Variants in POLR2L observed in about 807,000 individuals in gnomAD.
The protein encoded by POLR2L is RNA polymerase II, I and III subunit L, also known as DNA-directed RNA polymerases I, II, and III subunit RPABC5.
Under a neutral mutation model 6.8 loss-of-function variants are expected in POLR2L, and 7 were observed. That is an observed-to-expected ratio of 1.03 (90% CI 0.59 to 1.94). The LOEUF (loss-of-function observed/expected upper bound fraction) is 1.94, where lower values mean the gene tolerates loss of function less well. Among genes scored for constraint, POLR2L ranks in the 30% most tolerant of loss-of-function variants. The pLI, the probability that POLR2L is intolerant of heterozygous loss-of-function variation, is 0.00. For synonymous variants in POLR2L, 59 were observed against 39.8 expected (o/e 1.48, Z -1.82); for missense variants, 93 against 86.7 (o/e 1.07, Z -0.29).
At chr11:840,545 C>T (rs1846936724) in intron 1 of POLR2L, 65 bp from the exon 2 acceptor site, 2 of 1,150,188 alleles carry the variant, frequency 1.7e-6, no homozygotes, top group South Asian at 1.2e-5. Context: ...CTGGAGCCCA[C>T]ATCCAACCTG....
Position 840,315 on chromosome 11 carries a change from G to C in POLR2L, c.*57C>G. The C allele has an allele frequency of 6.2e-6, 7 of 1,130,496 alleles. No homozygotes were observed. The highest frequency in any genetic ancestry group is 9.1e-6 in the Non-Finnish European group (7 of 766,942). The allele number at this position is 1,130,496 out of a possible 1,614,324, so 70.0% of individuals were successfully genotyped here. ...CCGGATGCCTCAGCCTCGTGAATTC[G>C]GGGCAGGACGCTCAGGGCCCATGGT... On this transcript the variant is annotated 3_prime_UTR_variant, in exon 2 of 2. Coordinates refer to ENST00000322028, the MANE Select transcript of POLR2L (RefSeq NM_021128.5).
chr11:840,680 G>A (rs367640144), intron 1 of POLR2L, among the ~76,000 whole-genome samples, 200 bp from the exon 2 acceptor site: 1 of 152,340 alleles, frequency 6.6e-6, no homozygotes, highest in African/African-American at 2.4e-5. Flanking sequence ...CCAGAACCCT[G>A]GGTGGAGCGT....
In POLR2L at chr11:840,498, G is replaced by A. The variant is rs926145574; in HGVS notation, c.96-18C>T. ...GCGCATCCCTGTGTCGAGGGGAGGA[G>A]CAGAGGCCAACTGAGTTCTCTACGG... On this transcript the variant is annotated intron_variant, in intron 1 of 1. Transcript: ENST00000322028. 20 of 1,545,460 alleles carry A rather than the reference G, an allele frequency of 1.3e-5. No homozygotes were observed. Among genetic ancestry groups the A allele is most frequent in the African/African-American group, 2.7e-5 (2 of 73,940 alleles).
rs112416106 is a variant in POLR2L, at chr11:842,411, C to T, written c.95+3G>A. 3.8e-6 allele frequency: 6 copies of T among 1,578,616 alleles called. No homozygotes were observed. The highest frequency in any genetic ancestry group is 1.8e-5 in the Admixed American group (1 of 55,724). On this transcript the variant is annotated splice_donor_region_variant and intron_variant, in intron 1 of 1. Transcript: ENST00000322028. The stretch of plus-strand genomic sequence containing the variant: ...CAGCCCCTAGCCCCGGCCCGCGCCT[C>T]ACCCCTCGGTGTACTCGGCCTGCAG...
rs892069629 is a variant in POLR2L at position 840,528 on chromosome 11, C to A, written c.96-48G>T. The A allele has an allele frequency of 4.4e-6, 6 of 1,353,102 alleles. No homozygotes were observed. The Admixed American group carries it at 8.4e-5, about 19-fold the overall frequency. 83.8% of individuals were successfully genotyped at this position (1,353,102 alleles called of 1,614,324 possible). A position where few individuals can be genotyped will look rare whatever the true frequency, so the allele number is the denominator to read the frequency against. On this transcript the variant is annotated intron_variant, in intron 1 of 1. Transcript: ENST00000322028. ...GGCCAACTGAGTTCTCTACGGTCTG[C>A]AAAGGCCTGGAGCCCACATCCAACC...
At chr11:840,582 C>CA in intron 1 of POLR2L, 102 bp from the exon 2 acceptor site, 1 of 729,180 alleles carries the variant, frequency 1.4e-6, no homozygotes, top group Non-Finnish European at 2.3e-6. Context: ...GGCCTCACCC[C>CA]CCCCGCCACC....
At chr11:841,321 C>A (rs1250883404) in intron 1 of POLR2L, among the ~76,000 whole-genome samples, 1 of 152,194 alleles carries the variant, frequency 6.6e-6, no homozygotes, top group Non-Finnish European at 1.5e-5. Flanking sequence ...GCGGGGGCAC[C>A]AAGACTCAGG....
chr11:840,809 G>A (rs1429070019), intron 1 of POLR2L, among the ~76,000 whole-genome samples: 1 of 152,164 alleles, frequency 6.6e-6, no homozygotes, highest in African/African-American at 2.4e-5. Flanking sequence ...AGACCACCAA[G>A]GTGCTGATGT....
Position 840,337 on chromosome 11 carries a change from TG to T in POLR2L, c.*34del. 7.3e-7 allele frequency: 1 copy of T among 1,366,602 alleles called. No individual in the cohort carries two copies. The highest frequency in any genetic ancestry group is 1.0e-6 in the Non-Finnish European group (1 of 970,248). The allele number at this position is 1,366,602 out of a possible 1,614,324, so 84.7% of individuals were successfully genotyped here. ...TTCGGGGCAGGACGCTCAGGGCCCA[TG>T]GTCAGCACAGCGGGTGGGTGGGTTC... On this transcript the variant is annotated 3_prime_UTR_variant, in exon 2 of 2. Transcript: ENST00000322028.
At chr11:842,128 C>A (rs752585435) in intron 1 of POLR2L, among the ~76,000 whole-genome samples, 20 of 152,194 alleles carry the variant, frequency 1.3e-4, no homozygotes, top group Non-Finnish European at 2.4e-4. Context: ...GGCTTTACTG[C>A]GGGTGACAAG....
intron 1 of POLR2L, among the ~76,000 whole-genome samples, chr11:840,784 G>A (rs1846944901): frequency 6.6e-6 from 1 of 152,168 alleles, no homozygotes; most frequent in African/African-American, 2.4e-5. Context: ...TAATTGCGGG[G>A]AGCTTAGAAA....
chr11:840,999 C>A (rs895187823), intron 1 of POLR2L, among the ~76,000 whole-genome samples: 4 of 152,214 alleles, frequency 2.6e-5, no homozygotes, highest in African/African-American at 9.7e-5. Context: ...CTCCCACTTC[C>A]CAAGCCAATT....
At chr11:841,434 C>G (rs868308871) in intron 1 of POLR2L, among the ~76,000 whole-genome samples, 7 of 151,732 alleles carry the variant, frequency 4.6e-5, no homozygotes, top group Admixed American at 6.6e-5. Flanking sequence ...ATTTCTTTTT[C>G]TGTGTGTGTG....
chr11:840,162 T>C lies in POLR2L; in HGVS notation c.*210A>G. 1.9e-6 allele frequency: 1 copy of C among 517,642 alleles called. No homozygotes were observed. The allele number at this position is 517,642 out of a possible 1,614,324, so 32.1% of individuals were successfully genotyped here. A position where few individuals can be genotyped will look rare whatever the true frequency, so the allele number is the denominator to read the frequency against. ...GCTGCCACAGTGTGAAAGCTGGGCCTAGACCTGGCTCCTGACATCCTAGTG... is the reference window on the plus strand; with the variant it reads ...GCTGCCACAGTGTGAAAGCTGGGCCCAGACCTGGCTCCTGACATCCTAGTG... On this transcript the variant is annotated 3_prime_UTR_variant, in exon 2 of 2. Coordinates refer to ENST00000322028, the MANE Select transcript of POLR2L (RefSeq NM_021128.5).
At chr11:841,925 T>A (rs887359403) in intron 1 of POLR2L, among the ~76,000 whole-genome samples, 1 of 152,116 alleles carries the variant, frequency 6.6e-6, no homozygotes, top group African/African-American at 2.4e-5. Context: ...ATAAAATAAA[T>A]TTCTGGAGAT....
intron 1 of POLR2L, 71 bp downstream of exon 1, chr11:842,321 CCGCCCCGGCGCGCACCCCAGGG>C: frequency 3.4e-6 from 3 of 879,216 alleles, no homozygotes; most frequent in Non-Finnish European, 4.8e-6. Flanking sequence ...GCTGCGCCTC[CCGCCCCGGCGCGCACCCCAGGG>C]CGGACTCAGC....
intron 1 of POLR2L, among the ~76,000 whole-genome samples, chr11:841,237 C>T (rs949892624): frequency 1.3e-5 from 2 of 152,306 alleles, no homozygotes; most frequent in South Asian, 2.1e-4. Flanking sequence ...CACCAAGTGC[C>T]GATGGCAGGC....
chr11:840,530 A>G (rs1240981140), intron 1 of POLR2L, 50 bp from the exon 2 acceptor site: 1 of 1,335,906 alleles, frequency 7.5e-7, no homozygotes, highest in South Asian at 1.2e-5. Context: ...ACGGTCTGCA[A>G]AGGCCTGGAG....
intron 1 of POLR2L, among the ~76,000 whole-genome samples, chr11:841,940 G>A (rs915229714): frequency 2.0e-5 from 3 of 152,180 alleles, no homozygotes; most frequent in African/African-American, 7.2e-5. Context: ...GGAGATCAGG[G>A]TCTCCCCAGG....
Sources: allele counts gnomAD v4.1 joint callset (sites outside exome capture counted in the v4.1 genomes callset), GRCh38; gene constraint gnomAD v4.1.1; transcripts MANE v1.5; gene names NCBI Gene and HGNC (gene_info 2026-07-23, HGNC 2026-07-21).